The following HTR1D variants were observed in gnomAD, a reference collection of about 807,000 sequenced individuals.
HTR1D encodes 5-hydroxytryptamine receptor 1D.
A neutral mutation model predicts 21.1 loss-of-function variants in HTR1D; 18 were observed. The observed-to-expected ratio is 0.85, with a 90% CI of 0.59 to 1.27. The LOEUF (loss-of-function observed/expected upper bound fraction) is 1.27. Ranked by LOEUF, HTR1D falls within the 50% of genes most tolerant of loss-of-function variation. HTR1D has a pLI of 0.00. For missense variants in HTR1D, 456 were observed against 481.4 expected (o/e 0.95, Z 0.49); for synonymous variants, 196 against 204.4 (o/e 0.96, Z 0.35).
intron 1 of HTR1D, among the ~76,000 whole-genome samples, chr1:23,216,677 T>TA (rs970869090): frequency 5.3e-5 from 8 of 152,212 alleles, no homozygotes; most frequent in Non-Finnish European, 7.3e-5. Context: ...TTACAGTTTC[T>TA]AAAAAAAGCA....
intron 1 of HTR1D, among the ~76,000 whole-genome samples, chr1:23,206,167 G>A (rs548730993): frequency 2.6e-5 from 4 of 151,980 alleles, no homozygotes; most frequent in Non-Finnish European, 4.4e-5. Context: ...TCAGCCTCCC[G>A]AGTAGCTGGG....
chr1:23,208,583 AAAAG>A (rs1033427977), intron 1 of HTR1D, among the ~76,000 whole-genome samples: 4 of 152,118 alleles, frequency 2.6e-5, no homozygotes, highest in Non-Finnish European at 4.4e-5. Context: ...AAAGAAAAAA[AAAAG>A]AAAGAAAGAA....
At chr1:23,214,898 G>A (rs752637483) in intron 1 of HTR1D, among the ~76,000 whole-genome samples, 2 of 152,144 alleles carry the variant, frequency 1.3e-5, no homozygotes, top group African/African-American at 2.4e-5. Context: ...GCATAGAGGT[G>A]ATAACTAAAG....
At chr1:23,208,467 A>G (rs1376698630) in intron 1 of HTR1D, among the ~76,000 whole-genome samples, 1 of 152,084 alleles carries the variant, frequency 6.6e-6, no homozygotes, top group Non-Finnish European at 1.5e-5. Flanking sequence ...GCTACTTGGG[A>G]GGCTGGGGCA....
chr1:23,199,495 G>GTCATAGC (rs1569757969), intron 1 of HTR1D, among the ~76,000 whole-genome samples: 1 of 124,320 alleles, frequency 8.0e-6, no homozygotes, highest in East Asian at 2.7e-4. Flanking sequence ...TAGTGGCACA[G>GTCATAGC]TCATAGCTCA....
chr1:23,208,712 T>C (rs1278263272), intron 1 of HTR1D, among the ~76,000 whole-genome samples: 4 of 152,150 alleles, frequency 2.6e-5, no homozygotes, highest in African/African-American at 7.2e-5. Flanking sequence ...GCACCCATTT[T>C]ACAGACGAAG....
chr1:23,210,887 C>T (rs765634322), intron 1 of HTR1D, among the ~76,000 whole-genome samples: 7 of 151,990 alleles, frequency 4.6e-5, no homozygotes, highest in Non-Finnish European at 7.4e-5. Flanking sequence ...CACCTGGGTC[C>T]GCAGAGAACA....
chr1:23,201,076 T>A (rs1644707639), intron 1 of HTR1D, among the ~76,000 whole-genome samples: 1 of 152,144 alleles, frequency 6.6e-6, no homozygotes. Flanking sequence ...CAGAGACCAC[T>A]TTTGATCACA....
chr1:23,195,173 A>G (rs1178089159), intron 1 of HTR1D, among the ~76,000 whole-genome samples, 172 bp from the exon 2 acceptor site: 1 of 152,244 alleles, frequency 6.6e-6, no homozygotes, highest in African/African-American at 2.4e-5. Flanking sequence ...CACCCATGCA[A>G]TTCCCAGAGG....
chr1:23,210,415 C>T (rs1644749345), intron 1 of HTR1D, among the ~76,000 whole-genome samples: 2 of 152,154 alleles, frequency 1.3e-5, no homozygotes, highest in African/African-American at 2.4e-5. Flanking sequence ...GTGATGCCTG[C>T]CACACGGTGG....
At chr1:23,199,138 G>T (rs1345100570) in intron 1 of HTR1D, among the ~76,000 whole-genome samples, 1 of 151,500 alleles carries the variant, frequency 6.6e-6, no homozygotes. Flanking sequence ...TTTTGAGAAA[G>T]GGTCTCACTC....
At chr1:23,211,381 A>G (rs1387016058) in intron 1 of HTR1D, among the ~76,000 whole-genome samples, 1 of 152,182 alleles carries the variant, frequency 6.6e-6, no homozygotes, top group Admixed American at 6.6e-5. Context: ...TGGGAAGGAA[A>G]GTAGGGGGAC....
chr1:23,207,071 G>A (rs1235795772), intron 1 of HTR1D, among the ~76,000 whole-genome samples: 2 of 152,114 alleles, frequency 1.3e-5, no homozygotes, highest in African/African-American at 2.4e-5. Flanking sequence ...TTCTCTTGGT[G>A]AGCATCAGAA....
chr1:23,192,847 A>G lies in HTR1D; in HGVS notation c.*239T>C, dbSNP rs1264523806. The stretch of plus-strand genomic sequence containing the variant: ...CAAGACTCCGTCTCAAAAAAAAAAA[A>G]AAAGAAAGAAAATATTATGCTAAGT... On this transcript the variant is annotated 3_prime_UTR_variant, in exon 2 of 2. Transcript: ENST00000374619. 4 of 259,236 alleles carry G rather than the reference A, an allele frequency of 1.5e-5. No individual in the cohort carries two copies. The highest frequency in any genetic ancestry group is 7.4e-5 in the East Asian group (1 of 13,552). 16.1% of individuals were successfully genotyped at this position (259,236 alleles called of 1,614,324 possible).
intron 1 of HTR1D, among the ~76,000 whole-genome samples, chr1:23,200,943 C>T (rs962568200): frequency 6.6e-6 from 1 of 152,172 alleles, no homozygotes; most frequent in Non-Finnish European, 1.5e-5. Flanking sequence ...CACAGCATCT[C>T]CCCTGAAGTC....
intron 1 of HTR1D, among the ~76,000 whole-genome samples, chr1:23,208,684 TG>T (rs1329862765): frequency 6.7e-6 from 1 of 149,432 alleles, no homozygotes; most frequent in African/African-American, 2.5e-5. Context: ...TAACTGGGGG[TG>T]GGGGAAATGA....
chr1:23,195,056 A>C (rs772934129), intron 1 of HTR1D, among the ~76,000 whole-genome samples, 55 bp from the exon 2 acceptor site: 1 of 152,232 alleles, frequency 6.6e-6, no homozygotes, highest in Non-Finnish European at 1.5e-5. Flanking sequence ...ACAATGTGGA[A>C]GCCTGAAATG....
At position 23,194,088 on chromosome 1, in the gene HTR1D, G is replaced by A; in HGVS notation, c.132C>T (p.Val44=). 3 of 1,614,174 alleles carry A rather than the reference G, an allele frequency of 1.9e-6. No individual in the cohort carries two copies. Among genetic ancestry groups the A allele is most frequent in the Non-Finnish European group, 2.5e-6 (3 of 1,180,028 alleles). Residue 44 remains valine, a synonymous_variant, in exon 2 of 2, where the codon GTC becomes GTT. Coordinates refer to ENST00000374619, the MANE Select transcript of HTR1D (RefSeq NM_000864.5). ...CTGTGGCCAGTGTGATGACGGAAAG[G>A]ACCACGGCAAGGGAGATCTTGAGCG... The part of the protein sequence containing the change: ...LQALKISLAV[V]LSVITLATVL...
chr1:23,198,798 C>A (rs1302720260), intron 1 of HTR1D, among the ~76,000 whole-genome samples: 2 of 152,084 alleles, frequency 1.3e-5, no homozygotes, highest in Admixed American at 1.3e-4. Context: ...GTGGCAAAAC[C>A]ATAAGGAAAA....
Sources: gnomAD v4.1 joint callset for allele counts (sites outside exome capture counted in the v4.1 genomes callset) on GRCh38, gnomAD v4.1.1 for gene constraint, MANE v1.5 for transcripts, NCBI Gene and HGNC (gene_info 2026-07-23, HGNC 2026-07-21) for gene names.